The following PDE8A variants were observed in gnomAD, a reference collection of about 807,000 sequenced individuals.
The protein encoded by PDE8A is high affinity cAMP-specific and IBMX-insensitive 3',5'-cyclic phosphodiesterase 8A.
A neutral mutation model predicts 105.0 loss-of-function variants in PDE8A; 59 were observed. That is an observed-to-expected ratio of 0.56 (90% confidence interval 0.46 to 0.70). The LOEUF is 0.70. PDE8A is among the 30% of genes least tolerant of loss of function. The pLI, the probability that PDE8A is intolerant of heterozygous loss-of-function variation, is 0.00. For synonymous variants in PDE8A, 355 were observed against 371.9 expected, an observed-to-expected ratio of 0.95 and a Z score of 0.52; for missense variants, 1,014 against 1,045.9, an observed-to-expected ratio of 0.97 and a Z score of 0.42.
intron 1 of PDE8A, among the ~76,000 whole-genome samples, chr15:85,047,878 T>A (rs975322956): frequency 2.0e-5 from 3 of 152,244 alleles, no homozygotes; most frequent in Non-Finnish European, 2.9e-5. Context: ...TTTTTACTCA[T>A]GCTGGTCATT....
chr15:85,022,811 C>T (rs2080450953), intron 1 of PDE8A, among the ~76,000 whole-genome samples: 1 of 152,012 alleles, frequency 6.6e-6, no homozygotes, highest in Admixed American at 6.6e-5. Flanking sequence ...CCTTGGCCTC[C>T]CTAAGTGCTG....
At position 84,995,158 on chromosome 15, in the gene PDE8A, C is replaced by T. The variant is rs555454917; in HGVS notation, c.186+12810C>T. ...CATACATATATCTGCGTAATCCAAACCTCTATGAAGTTATAGAACATTATT... is the reference window on the plus strand; with the variant it reads ...CATACATATATCTGCGTAATCCAAATCTCTATGAAGTTATAGAACATTATT... On this transcript the variant is annotated intron_variant, in intron 1 of 21. Coordinates refer to ENST00000394553, the MANE Select transcript of PDE8A (RefSeq NM_002605.3). 4.6e-5 allele frequency among the ~76,000 whole-genome samples: 7 copies of T among 152,254 alleles called. No individual in the cohort carries two copies. In the South Asian group the frequency reaches 1.2e-3, roughly 27 times the overall value.
intron 1 of PDE8A, among the ~76,000 whole-genome samples, chr15:85,007,057 GAT>G (rs1567225311): frequency 6.6e-6 from 1 of 152,168 alleles, no homozygotes; most frequent in Non-Finnish European, 1.5e-5. Flanking sequence ...ATGGGTGAAA[GAT>G]AGACAGTTAG....
At chr15:85,016,346 T>A (rs914916202) in intron 1 of PDE8A, among the ~76,000 whole-genome samples, 4 of 152,138 alleles carry the variant, frequency 2.6e-5, no homozygotes, top group Non-Finnish European at 5.9e-5. Context: ...CATTTGGAAT[T>A]TATCTTGGTG....
At chr15:85,045,901 A>G (rs2080878822) in intron 1 of PDE8A, among the ~76,000 whole-genome samples, 1 of 152,136 alleles carries the variant, frequency 6.6e-6, no homozygotes, top group Non-Finnish European at 1.5e-5. Context: ...AATTGGATTT[A>G]TGTCTTTACT....
chr15:85,136,879 C>A (rs112741700), intron 21 of PDE8A, among the ~76,000 whole-genome samples: 1 of 152,016 alleles, frequency 6.6e-6, no homozygotes, highest in Admixed American at 6.6e-5. Flanking sequence ...TTATAGATGA[C>A]GGGATTGAAC....
rs139493851 is a variant in PDE8A, at chr15:85,067,177, G to A, written c.407G>A (p.Arg136Gln). 94 of 1,613,764 alleles carry A rather than the reference G, an allele frequency of 5.8e-5. No homozygotes were observed. The African/African-American group carries it at 9.7e-4, about 17-fold the overall frequency. ...ATCATCATAGACCACAGAAATCCTC[G>A]ACAGCTGGATGCAGAGGCACTGTGC... ...DIIIIDHRNP[R>Q]QLDAEALCRS... Residue 136 changes from arginine to glutamine, a missense_variant, in exon 3 of 22, where the codon CGA becomes CAA. By Grantham distance (43) the Arg-to-Gln change is conservative. Transcript: ENST00000394553.
chr15:85,112,130 T>C (rs953563367), intron 12 of PDE8A, among the ~76,000 whole-genome samples: 5 of 152,226 alleles, frequency 3.3e-5, no homozygotes, highest in Admixed American at 6.5e-5. Context: ...CTTTATACTT[T>C]TTTTCTTACC....
intron 1 of PDE8A, among the ~76,000 whole-genome samples, chr15:85,008,842 T>C (rs2080191968): frequency 6.6e-6 from 1 of 152,142 alleles, no homozygotes; most frequent in African/African-American, 2.4e-5. Context: ...GCCAACATTG[T>C]CTGCTGGGGG....
intron 1 of PDE8A, among the ~76,000 whole-genome samples, chr15:85,009,110 A>T (rs2599365): frequency 0.037 from 2,383 of 64,102 alleles, 35 homozygotes; most frequent in Admixed American, 0.055. Flanking sequence ...AGAGAGAGAG[A>T]GTGTGTGTGT....
chr15:85,058,969 A>G (rs915089887), intron 1 of PDE8A, among the ~76,000 whole-genome samples: 25 of 152,110 alleles, frequency 1.6e-4, no homozygotes, highest in Admixed American at 1.5e-3. Context: ...TCCCTAAATT[A>G]TAAAGTTATG....
intron 1 of PDE8A, among the ~76,000 whole-genome samples, chr15:84,991,109 G>T (rs750583134): frequency 6.6e-6 from 1 of 152,144 alleles, no homozygotes; most frequent in Non-Finnish European, 1.5e-5. Flanking sequence ...GGTAGGGAAG[G>T]ACTGATTAAG....
intron 1 of PDE8A, among the ~76,000 whole-genome samples, chr15:85,062,009 A>G (rs144178031): frequency 7.3e-5 from 11 of 151,598 alleles, no homozygotes; most frequent in South Asian, 6.3e-4. Context: ...CATTTTCTTG[A>G]CTTTCTCCAC....
chr15:85,044,511 A>G (rs1206907747), intron 1 of PDE8A, among the ~76,000 whole-genome samples: 2 of 152,208 alleles, frequency 1.3e-5, no homozygotes, highest in South Asian at 2.1e-4. Flanking sequence ...AGTTGCTACT[A>G]AGATGCCTTG....
At chr15:85,099,959 A>G (rs1596518778) in intron 9 of PDE8A, 56 bp from the exon 10 acceptor site, 1 of 1,396,554 alleles carries the variant, frequency 7.2e-7, no homozygotes, top group South Asian at 1.2e-5. Context: ...AATTAACGAC[A>G]TATCCATCAA....
intron 11 of PDE8A, among the ~76,000 whole-genome samples, chr15:85,103,774 C>T (rs752585425): frequency 3.3e-5 from 5 of 152,170 alleles, no homozygotes; most frequent in Non-Finnish European, 5.9e-5. Flanking sequence ...ACCACTGGCC[C>T]TGTTGAGATC....
chr15:85,065,953 G>T (rs2081218429), intron 2 of PDE8A, among the ~76,000 whole-genome samples: 1 of 152,212 alleles, frequency 6.6e-6, no homozygotes, highest in South Asian at 2.1e-4. Flanking sequence ...CCTGGTGACT[G>T]TGTCACTTAA....
chr15:85,113,770 T>G (rs1018199111), intron 13 of PDE8A, 103 bp from the exon 14 acceptor site: 2 of 873,572 alleles, frequency 2.3e-6, no homozygotes, highest in African/African-American at 1.7e-5. Context: ...TTCTCCCACC[T>G]CAGCCTCCTG....
chr15:84,990,936 G>A (rs929939258), intron 1 of PDE8A, among the ~76,000 whole-genome samples: 16 of 152,206 alleles, frequency 1.1e-4, no homozygotes, highest in Non-Finnish European at 1.9e-4. Context: ...TGGTGGGTGT[G>A]TAGTGGTATC....
Sources: gnomAD v4.1 joint callset for allele counts (sites outside exome capture counted in the v4.1 genomes callset) on GRCh38, gnomAD v4.1.1 for gene constraint, MANE v1.5 for transcripts, NCBI Gene and HGNC (gene_info 2026-07-23, HGNC 2026-07-21) for gene names.